The following LRBA variants were observed in gnomAD, a reference collection of about 807,000 sequenced individuals.
LRBA encodes lipopolysaccharide-responsive and beige-like anchor protein.
In LRBA, 176 loss-of-function variants were observed where a neutral mutation model predicts 330.0. The ratio of observed to expected loss-of-function variants is 0.53; its 90% CI spans 0.47 to 0.60. The LOEUF is 0.60. Among genes scored for constraint, LRBA ranks in the 20% least tolerant of loss-of-function variants. The pLI is 0.00. For synonymous variants in LRBA, 1,230 were observed against 1,193.0 expected (o/e 1.03, Z -0.64); for missense variants, 3,259 against 3,444.8 (o/e 0.95, Z 1.35).
intron 37 of LRBA, among the ~76,000 whole-genome samples, chr4:150,640,897 T>A (rs1366682490): frequency 8.5e-5 from 13 of 152,222 alleles, no homozygotes; most frequent in Admixed American, 8.5e-4. Context: ...TAGGATCGCT[T>A]ATGACCTGCT....
At chr4:150,307,398 T>G (rs1730496256) in intron 52 of LRBA, among the ~76,000 whole-genome samples, 1 of 152,118 alleles carries the variant, frequency 6.6e-6, no homozygotes, top group African/African-American at 2.4e-5. Context: ...ACAGTTCTAT[T>G]AGTTCTATAT....
At chr4:150,304,195 T>C (rs1730063624) in intron 52 of LRBA, among the ~76,000 whole-genome samples, 1 of 152,192 alleles carries the variant, frequency 6.6e-6, no homozygotes, top group Admixed American at 6.5e-5. Context: ...TAACCCGTAA[T>C]ACATTGTAAA....
At chr4:150,558,945 C>A (rs1024338451) in intron 40 of LRBA, among the ~76,000 whole-genome samples, 1 of 152,092 alleles carries the variant, frequency 6.6e-6, no homozygotes, top group Admixed American at 6.6e-5. Flanking sequence ...AAAAATAATA[C>A]ATAGACTAGC....
intron 37 of LRBA, among the ~76,000 whole-genome samples, chr4:150,623,347 T>C (rs1218540017): frequency 6.6e-6 from 1 of 152,158 alleles, no homozygotes; most frequent in Admixed American, 6.5e-5. Flanking sequence ...TCTGACAAGA[T>C]TGCAGCACCT....
intron 40 of LRBA, among the ~76,000 whole-genome samples, chr4:150,500,927 T>C (rs2152117478): frequency 6.6e-6 from 1 of 152,322 alleles, no homozygotes; most frequent in South Asian, 2.1e-4. Context: ...TTAAAATTAG[T>C]ACCTGCCTCC....
intron 37 of LRBA, among the ~76,000 whole-genome samples, chr4:150,617,033 G>C (rs890532224): frequency 6.6e-6 from 1 of 152,094 alleles, no homozygotes; most frequent in Admixed American, 6.6e-5. Context: ...TTGTCAGCAA[G>C]CTTGTCAACT....
At chr4:150,493,285 C>T (rs1759185982) in intron 40 of LRBA, among the ~76,000 whole-genome samples, 1 of 152,172 alleles carries the variant, frequency 6.6e-6, no homozygotes, top group Admixed American at 6.5e-5. Flanking sequence ...CACCTGGCCA[C>T]TAACTCAAAC....
At chr4:150,830,330 C>A (rs1746980137) in intron 29 of LRBA, among the ~76,000 whole-genome samples, 1 of 152,166 alleles carries the variant, frequency 6.6e-6, no homozygotes, top group Admixed American at 6.5e-5. Flanking sequence ...TGGCTTATTT[C>A]TGATCTACCT....
chr4:150,834,313 T>C (rs1047824667), intron 28 of LRBA, among the ~76,000 whole-genome samples: 1 of 152,218 alleles, frequency 6.6e-6, no homozygotes, highest in Non-Finnish European at 1.5e-5. Context: ...TTACTATCTA[T>C]AGCAGCTACA....
intron 37 of LRBA, among the ~76,000 whole-genome samples, chr4:150,644,087 T>C (rs1778920911): frequency 6.6e-6 from 1 of 151,858 alleles, no homozygotes; most frequent in Admixed American, 6.6e-5. Context: ...TATTAAAACA[T>C]AAAAAAGAGA....
At chr4:150,843,683 A>G (rs1369785223) in intron 28 of LRBA, among the ~76,000 whole-genome samples, 1 of 152,232 alleles carries the variant, frequency 6.6e-6, no homozygotes, top group East Asian at 1.9e-4. Flanking sequence ...CATCAATTTT[A>G]GAATTAAGAC....
rs115256565 is a variant in LRBA at position 150,283,890 on chromosome 4, T to C, written c.8120-1244A>G. Among the ~76,000 whole-genome samples the C allele has an allele frequency of 3.4e-3, 516 of 152,348 alleles. 2 individuals are homozygous for C. Among genetic ancestry groups the C allele is most frequent in the African/African-American group, 0.012 (497 of 41,584 alleles). On this transcript the variant is annotated intron_variant, in intron 54 of 56. Coordinates refer to ENST00000651943, the MANE Select transcript of LRBA (RefSeq NM_001364905.1). The stretch of plus-strand genomic sequence containing the variant: ...ATATGTCGATGACTGCTCACTGCAT[T>C]ATCTGTTATTCAGTTCCCACACAGA...
At chr4:150,766,228 T>C (rs1224588884) in intron 34 of LRBA, among the ~76,000 whole-genome samples, 4 of 152,050 alleles carry the variant, frequency 2.6e-5, no homozygotes, top group African/African-American at 9.7e-5. Flanking sequence ...CCTTATACTT[T>C]TGGTTATTGT....
intron 40 of LRBA, among the ~76,000 whole-genome samples, chr4:150,507,096 G>A (rs1332387720): frequency 2.6e-5 from 4 of 151,306 alleles, no homozygotes; most frequent in Admixed American, 6.6e-5. Context: ...ACAAATGGAA[G>A]AACATTCCAT....
Position 150,889,935 on chromosome 4 carries a change from A to G in LRBA, c.2165+3117T>C, listed in dbSNP as rs1402470563. 3.9e-5 allele frequency among the ~76,000 whole-genome samples: 6 copies of G among 152,228 alleles called. No homozygotes were observed. The East Asian group carries it at 1.2e-3, about 29-fold the overall frequency. Reference sequence around the variant, plus strand: ...AACAAAATTTTATTTATAAAGACAAATCATTATAGAAGAGTCAGCCAAAGA... The same window carrying G: ...AACAAAATTTTATTTATAAAGACAAGTCATTATAGAAGAGTCAGCCAAAGA... On this transcript the variant is annotated intron_variant, in intron 17 of 56. Transcript: ENST00000651943.
intron 34 of LRBA, among the ~76,000 whole-genome samples, chr4:150,772,673 C>T (rs934195040): frequency 9.9e-5 from 15 of 152,138 alleles, no homozygotes; most frequent in African/African-American, 3.6e-4. Context: ...CTCCAAAATC[C>T]TATGGGTTTG....
chr4:150,383,562 G>C (rs1465909529), intron 47 of LRBA, among the ~76,000 whole-genome samples: 1 of 152,042 alleles, frequency 6.6e-6, no homozygotes, highest in South Asian at 2.1e-4. Context: ...ATTTTGTATA[G>C]ATAACTTAAA....
intron 44 of LRBA, among the ~76,000 whole-genome samples, chr4:150,441,701 T>C (rs954862573): frequency 3.9e-5 from 6 of 152,102 alleles, no homozygotes; most frequent in Non-Finnish European, 8.8e-5. Context: ...AAGAAATGAA[T>C]TGAGTAACCT....
At chr4:150,579,101 T>C in intron 40 of LRBA, 1 of 371,696 alleles carries the variant, frequency 2.7e-6, no homozygotes, top group Non-Finnish European at 5.2e-6. Context: ...TTTTAGCCTC[T>C]AGAGTTTCTT....
Sources: gnomAD v4.1 joint callset for allele counts (sites outside exome capture counted in the v4.1 genomes callset) on GRCh38, gnomAD v4.1.1 for gene constraint, MANE v1.5 for transcripts, NCBI Gene and HGNC (gene_info 2026-07-23, HGNC 2026-07-21) for gene names.